The following N4BP2L2 variants were observed in gnomAD, a reference collection of about 807,000 sequenced individuals.
N4BP2L2 encodes NEDD4-binding protein 2-like 2.
N4BP2L2 carries 50 observed loss-of-function variants against 56.2 expected under a neutral mutation model. The observed-to-expected ratio is 0.89, with a 90% CI of 0.71 to 1.13. The LOEUF (loss-of-function observed/expected upper bound fraction) is 1.13, where lower values mean the gene tolerates loss of function less well. N4BP2L2 is among the 50% of genes most tolerant of loss of function. The pLI is 0.00. For synonymous variants in N4BP2L2, 203 were observed against 223.6 expected, an observed-to-expected ratio of 0.91 and a Z score of 0.82; for missense variants, 689 against 693.8, an observed-to-expected ratio of 0.99 and a Z score of 0.08.
At chr13:32,450,393 T>C (rs1160394308) in intron 6 of N4BP2L2, among the ~76,000 whole-genome samples, 2 of 150,548 alleles carry the variant, frequency 1.3e-5, no homozygotes, top group Non-Finnish European at 3.0e-5. Context: ...GGCGCGATCT[T>C]GGCTCACTGC....
chr13:32,508,770 T>A (rs547177678), downstream of N4BP2L2: 1 of 152,304 alleles, frequency 6.6e-6, no homozygotes, highest in South Asian at 2.1e-4. Context: ...AGCATTTGTG[T>A]GTTTTCTTTT....
intron 6 of N4BP2L2, chr13:32,444,177 A>G: frequency 7.4e-7 from 1 of 1,343,736 alleles, no homozygotes; most frequent in East Asian, 2.4e-5. Context: ...CATGTATAAC[A>G]TAAGCAAACT....
chr13:32,481,118 C>CAAAAAAAAAAAAAAAAA (rs60854435), intron 6 of N4BP2L2, among the ~76,000 whole-genome samples: 9 of 20,714 alleles, frequency 4.3e-4, no homozygotes, highest in African/African-American at 1.7e-3. Context: ...GACTCTGTCT[C>CAAAAAAAAAAAAAAAAA]AAAAAAAAAA....
At chr13:32,492,912 TTCTG>T (rs1156929064) in intron 6 of N4BP2L2, among the ~76,000 whole-genome samples, 1 of 133,082 alleles carries the variant, frequency 7.5e-6, no homozygotes, top group African/African-American at 2.8e-5. Context: ...TTTGTAGCTT[TTCTG>T]TTTTTTTTTT....
At chr13:32,434,255 TC>T (rs199686794) in intron 9 of N4BP2L2, among the ~76,000 whole-genome samples, 7,162 of 139,304 alleles carry the variant, frequency 0.051, 534 homozygotes, top group African/African-American at 0.16. Flanking sequence ...TTTCTTTTTT[TC>T]TTTTTTTTTT....
At chr13:32,462,184 A>C (rs1271342521) in intron 6 of N4BP2L2, among the ~76,000 whole-genome samples, 1 of 152,232 alleles carries the variant, frequency 6.6e-6, no homozygotes, top group Non-Finnish European at 1.5e-5. Context: ...AAAACATGGA[A>C]TCAACCTAAG....
exon 2 of N4BP2L2, chr13:32,536,733 A>C: frequency 6.2e-7 from 1 of 1,614,146 alleles, no homozygotes; most frequent in Admixed American, 1.7e-5. Context: ...AAAACCTGTG[A>C]ATCAATGGAT....
intron 6 of N4BP2L2, among the ~76,000 whole-genome samples, chr13:32,459,194 T>C (rs548763860): frequency 4.3e-4 from 65 of 151,722 alleles, no homozygotes; most frequent in African/African-American, 1.5e-3. Context: ...ACTAGAAAGA[T>C]TTCAAATAAC....
intron 6 of N4BP2L2, among the ~76,000 whole-genome samples, chr13:32,480,350 A>G (rs2084359043): frequency 6.6e-6 from 1 of 152,246 alleles, no homozygotes; most frequent in African/African-American, 2.4e-5. Flanking sequence ...GGAGAACCTC[A>G]TTTAATGCAA....
exon 9 of N4BP2L2, chr13:32,436,392 T>A: frequency 1.6e-6 from 2 of 1,242,350 alleles, no homozygotes; most frequent in Non-Finnish European, 2.2e-6. Flanking sequence ...TCAACCAATC[T>A]TCTTCTGTCT....
chr13:32,464,880 C>T (rs993661935), intron 6 of N4BP2L2, among the ~76,000 whole-genome samples: 3 of 152,038 alleles, frequency 2.0e-5, no homozygotes, highest in Admixed American at 2.0e-4. Context: ...CAAATTAAAA[C>T]CACAATAAGA....
At chr13:32,448,578 G>T (rs2077386323) in intron 6 of N4BP2L2, among the ~76,000 whole-genome samples, 1 of 152,158 alleles carries the variant, frequency 6.6e-6, no homozygotes, top group African/African-American at 2.4e-5. Flanking sequence ...TCAGGAATTA[G>T]AAAGTGTTTG....
chr13:32,434,405 T>C (rs2075241146), intron 9 of N4BP2L2, among the ~76,000 whole-genome samples: 1 of 152,060 alleles, frequency 6.6e-6, no homozygotes, highest in Admixed American at 6.6e-5. Context: ...GCCAGTTTTT[T>C]CATTTAATAA....
exon 2 of N4BP2L2, chr13:32,535,907 T>C: frequency 6.2e-7 from 1 of 1,614,120 alleles, no homozygotes; most frequent in African/African-American, 1.3e-5. Flanking sequence ...ACAATGATCT[T>C]TCCAGCATCT....
At chr13:32,492,313 C>T (rs1593835355) in intron 6 of N4BP2L2, among the ~76,000 whole-genome samples, 1 of 105,082 alleles carries the variant, frequency 9.5e-6, no homozygotes, top group African/African-American at 3.8e-5. Flanking sequence ...CACAGAGTCT[C>T]GCTTTGTCGG....
At chr13:32,538,514 G>T in intron 1 of N4BP2L2, 104 bp downstream of exon 1, 1 of 671,652 alleles carries the variant, frequency 1.5e-6, no homozygotes, top group Non-Finnish European at 1.8e-6. Context: ...TTCACACAGA[G>T]CTTACGTCTA....
chr13:32,495,488 G>A (rs993936796), intron 6 of N4BP2L2, among the ~76,000 whole-genome samples: 2 of 152,128 alleles, frequency 1.3e-5, no homozygotes, highest in African/African-American at 4.8e-5. Flanking sequence ...TACTCCCAAG[G>A]ACTAGGCTGT....
chr13:32,452,272 G>A (rs577065808), intron 6 of N4BP2L2, among the ~76,000 whole-genome samples: 26 of 152,166 alleles, frequency 1.7e-4, no homozygotes, highest in African/African-American at 5.3e-4. Flanking sequence ...TGTTGGTCAG[G>A]CTGGTCTTGA....
At chr13:32,534,145 A>G (rs1197192640) in intron 2 of N4BP2L2, among the ~76,000 whole-genome samples, 1 of 152,210 alleles carries the variant, frequency 6.6e-6, no homozygotes, top group African/African-American at 2.4e-5. Context: ...TTATATATGA[A>G]AATACTCTGT....
Sources: gnomAD v4.1 joint callset for allele counts (sites outside exome capture counted in the v4.1 genomes callset) on GRCh38, gnomAD v4.1.1 for gene constraint, MANE v1.5 for transcripts, NCBI Gene and HGNC (gene_info 2026-07-23, HGNC 2026-07-21) for gene names.